The following MASP1 variants were observed in gnomAD, a reference collection of about 807,000 sequenced individuals.
MASP1 encodes mannan-binding lectin serine protease 1.
Under a neutral mutation model 77.1 loss-of-function variants are expected in MASP1, and 59 were observed. The observed-to-expected ratio is 0.77, with a 90% confidence interval of 0.62 to 0.95. The LOEUF (loss-of-function observed/expected upper bound fraction) is 0.95, where lower values mean the gene tolerates loss of function less well. Among genes scored for constraint, MASP1 ranks in the 40% least tolerant of loss-of-function variants. MASP1 has a pLI of 0.00. For synonymous variants in MASP1, 362 were observed against 354.5 expected, an observed-to-expected ratio of 1.02 and a Z score of -0.24; for missense variants, 885 against 912.9, an observed-to-expected ratio of 0.97 and a Z score of 0.39.
chr3:187,275,877 A>G (rs1319425577), intron 2 of MASP1, among the ~76,000 whole-genome samples: 1 of 151,502 alleles, frequency 6.6e-6, no homozygotes, highest in African/African-American at 2.4e-5. Context: ...TCTGAGCATC[A>G]GGTCAAATGA....
At position 187,262,692 on chromosome 3, in the gene MASP1, G is replaced by T. The variant is rs1196831667; in HGVS notation, c.266C>A (p.Thr89Asn). ...GTCTGTGGTCTCCCTGCCACAGAAG[G>T]TTGCCAGCACCTGGTCCTCAGTTTC... is the stretch of plus-strand genomic sequence containing the variant. ...KVETEDQVLA[T>N]FCGRETTDTE... Residue 89 changes from threonine (T) to asparagine (N), a missense_variant, in exon 3 of 11, where the codon ACC (threonine) becomes AAC (asparagine). Thr to Asn is a moderately conservative substitution (Grantham distance 65). Transcript: ENST00000296280. 3.1e-6 allele frequency: 5 copies of T among 1,614,134 alleles called. No homozygotes were observed. The highest frequency in any genetic ancestry group is 3.4e-6 in the Non-Finnish European group (4 of 1,180,012).
intron 5 of MASP1, among the ~76,000 whole-genome samples, chr3:187,255,999 G>C (rs894485856): frequency 6.6e-6 from 1 of 151,998 alleles, no homozygotes; most frequent in African/African-American, 2.4e-5. Flanking sequence ...AAGAATTGCT[G>C]GTTTTACTTT....
intron 8 of MASP1, among the ~76,000 whole-genome samples, chr3:187,249,206 C>T (rs543188364): frequency 1.4e-3 from 216 of 152,228 alleles, no homozygotes; most frequent in African/African-American, 4.9e-3. Context: ...TACAGGCGTG[C>T]GCCACCATGC....
intron 6 of MASP1, among the ~76,000 whole-genome samples, chr3:187,252,920 G>A (rs576290886): frequency 2.6e-5 from 4 of 152,188 alleles, no homozygotes; most frequent in Admixed American, 1.3e-4. Context: ...ATCTCTCTAT[G>A]CGATACTGAA....
At chr3:187,251,370 T>A (rs1475920106) in intron 7 of MASP1, 2 of 462,098 alleles carry the variant, frequency 4.3e-6, no homozygotes, top group Non-Finnish European at 4.0e-6. Context: ...TAGAGCTGTA[T>A]GGATCCATAT....
intron 2 of MASP1, among the ~76,000 whole-genome samples, chr3:187,282,510 A>AG (rs1553785753): frequency 2.0e-3 from 267 of 131,470 alleles, no homozygotes; most frequent in East Asian, 5.6e-3. Flanking sequence ...AAAAAAAAAA[A>AG]AAGAAGAAGA....
chr3:187,236,124 C>T lies in MASP1; in HGVS notation c.1747G>A (p.Ala583Thr). ...GCCACCAGGCCCAGCATGTGGGGGG[C>T]CGGGCCTTCAGGCTCAAGCCTTGGC... is the stretch of plus-strand genomic sequence containing the variant. ...CLPRLEPEGP[A>T]PHMLGLVAGW... The change falls in exon 11 of 11, where the codon GCC becomes ACC. Residue 583 changes from alanine (A) to threonine (T), a missense_variant. Transcript: ENST00000296280. 6.2e-7 allele frequency: 1 copy of T among 1,613,902 alleles called. No individual in the cohort carries two copies. The highest frequency in any genetic ancestry group is 1.1e-5 in the South Asian group (1 of 91,088).
intron 5 of MASP1, among the ~76,000 whole-genome samples, chr3:187,253,849 G>T (rs1714842629): frequency 6.6e-6 from 1 of 152,026 alleles, no homozygotes; most frequent in South Asian, 2.1e-4. Context: ...GGGGTGGCGG[G>T]GCAAGGGGAG....
chr3:187,231,645 C>T (rs1712771587), downstream of MASP1, among the ~76,000 whole-genome samples: 4 of 152,188 alleles, frequency 2.6e-5, no homozygotes, highest in Admixed American at 2.6e-4. Context: ...ATTTTGCATC[C>T]CTAGGAATTC....
In MASP1 at chr3:187,242,050, G is replaced by A. The variant is rs574186871; in HGVS notation, c.1229-495C>T. On this transcript the variant is annotated intron_variant, in intron 9 of 10. Transcript: ENST00000296280. ...TGCCCAGGTCCTGGAAGGCACCTCCGCCTCACTTGTCACAAAGACCTGGGC... is the reference window on the plus strand; with the variant it reads ...TGCCCAGGTCCTGGAAGGCACCTCCACCTCACTTGTCACAAAGACCTGGGC... 5 of 172,094 alleles carry A rather than the reference G, an allele frequency of 2.9e-5. No individual in the cohort carries two copies. The South Asian group carries it at 6.0e-4, about 21-fold the overall frequency. 10.7% of individuals were successfully genotyped at this position (172,094 alleles called of 1,614,324 possible). A position where few individuals can be genotyped will look rare whatever the true frequency, so the allele number is the denominator to read the frequency against.
At position 187,262,679 on chromosome 3, in the gene MASP1, C is replaced by A; in HGVS notation, c.279G>T (p.Arg93Ser). The change falls in exon 3 of 11, where the codon AGG becomes AGT. Residue 93 changes from arginine (R) to serine (S), a missense_variant. Physicochemically the swap from Arg to Ser is moderately radical, Grantham distance 110. Transcript: ENST00000296280. ...GAGTCTGCTCTGTGTCTGTGGTCTC[C>A]CTGCCACAGAAGGTTGCCAGCACCT... is the stretch of plus-strand genomic sequence containing the variant. ...EDQVLATFCGRETTDTEQTPG... is the reference protein window; with the variant it reads ...EDQVLATFCGSETTDTEQTPG... 6.2e-7 allele frequency: 1 copy of A among 1,614,080 alleles called. No individual in the cohort carries two copies. Among genetic ancestry groups the A allele is most frequent in the Middle Eastern group, 1.6e-4 (1 of 6,062 alleles).
chr3:187,264,883 T>C (rs1207434107), intron 2 of MASP1, among the ~76,000 whole-genome samples: 1 of 152,144 alleles, frequency 6.6e-6, no homozygotes, highest in Non-Finnish European at 1.5e-5. Flanking sequence ...GAGTACACCA[T>C]CTTGGTGACC....
chr3:187,227,221 T>C (rs559043636), intron 11 of MASP1, among the ~76,000 whole-genome samples: 1 of 152,328 alleles, frequency 6.6e-6, no homozygotes, highest in East Asian at 1.9e-4. Context: ...TGCTCTGATC[T>C]AGACCTTTCA....
Position 187,253,166 on chromosome 3 carries a change from A to C in MASP1, c.892+2T>G. On this transcript the variant is annotated splice_donor_variant, in intron 6 of 10. Coordinates refer to ENST00000296280, the MANE Select transcript of MASP1 (RefSeq NM_139125.4). LOFTEE classifies it high-confidence loss of function. ...GGTGTGACCTGGGAGGGAAGAGGTT[A>C]CCTGCAGCCCTGTATGAGAGCCTCC... 6.2e-7 allele frequency: 1 copy of C among 1,613,844 alleles called. No homozygotes were observed. The highest frequency in any genetic ancestry group is 8.5e-7 in the Non-Finnish European group (1 of 1,179,994).
intron 8 of MASP1, among the ~76,000 whole-genome samples, chr3:187,247,596 G>A (rs1714203739): frequency 6.6e-6 from 1 of 152,202 alleles, no homozygotes; most frequent in South Asian, 2.1e-4. Context: ...GTATCGTTCT[G>A]AGAATTTGCA....
At chr3:187,268,914 A>C (rs1447680212) in intron 2 of MASP1, among the ~76,000 whole-genome samples, 1 of 151,938 alleles carries the variant, frequency 6.6e-6, no homozygotes, top group Non-Finnish European at 1.5e-5. Context: ...AAAATACAAA[A>C]ATTAGCTGGG....
chr3:187,224,284 C>T (rs1439957834), intron 13 of MASP1, among the ~76,000 whole-genome samples: 4 of 151,734 alleles, frequency 2.6e-5, no homozygotes, highest in African/African-American at 9.7e-5. Context: ...TAAATAACTT[C>T]CTGAAGATCA....
chr3:187,260,948 G>T, intron 3 of MASP1, 76 bp from the exon 4 acceptor site: 1 of 1,516,490 alleles, frequency 6.6e-7, no homozygotes, highest in Non-Finnish European at 9.2e-7. Context: ...TAGAGCACTT[G>T]ATATGGGCCA....
intron 10 of MASP1, among the ~76,000 whole-genome samples, chr3:187,241,202 T>A (rs754195478): frequency 4.6e-5 from 7 of 152,174 alleles, no homozygotes; most frequent in Admixed American, 1.3e-4. Flanking sequence ...CAACAGCAGA[T>A]GCACATGCAA....
Sources: gnomAD v4.1 joint callset for allele counts (sites outside exome capture counted in the v4.1 genomes callset) on GRCh38, gnomAD v4.1.1 for gene constraint, MANE v1.5 for transcripts, NCBI Gene and HGNC (gene_info 2026-07-23, HGNC 2026-07-21) for gene names.